SV2C: variants seen among roughly 807,000 people sequenced by gnomAD.
SV2C encodes the protein solute carrier family 22 member B3.
In SV2C, 49 loss-of-function variants were observed where a neutral mutation model predicts 79.7. That is an observed-to-expected ratio of 0.61 (90% CI 0.49 to 0.78). The LOEUF is 0.78. Among genes scored for constraint, SV2C ranks in the 30% least tolerant of loss-of-function variants. The pLI is 0.00. For synonymous variants in SV2C, 334 were observed against 333.2 expected, an observed-to-expected ratio of 1.00 and a Z score of -0.03; for missense variants, 833 against 912.9, an observed-to-expected ratio of 0.91 and a Z score of 1.13.
chr5:75,856,955 CTTTTT>C, the SV2C span, among the ~76,000 whole-genome samples: 2 of 128,502 alleles, frequency 1.6e-5, no homozygotes, highest in Admixed American at 7.8e-5. Context: ...GTCTTTAATC[CTTTTT>C]TTTTTTTTTT....
the SV2C span, among the ~76,000 whole-genome samples, chr5:75,984,865 C>T: frequency 2.0e-5 from 3 of 152,088 alleles, no homozygotes; most frequent in African/African-American, 2.4e-5. Context: ...TCAGGCCCAC[C>T]CAGATTACCT....
chr5:76,147,343 G>A (rs1043616414), intron 2 of SV2C, among the ~76,000 whole-genome samples: 1 of 152,204 alleles, frequency 6.6e-6, no homozygotes, highest in Admixed American at 6.5e-5. Flanking sequence ...GAGATCCTGG[G>A]ACTGGCAGTA....
chr5:75,897,201 G>A, the SV2C span, among the ~76,000 whole-genome samples: 2 of 151,214 alleles, frequency 1.3e-5, no homozygotes, highest in African/African-American at 2.5e-5. Flanking sequence ...TATGGTTTTA[G>A]GTCTAACATG....
chr5:76,284,962 T>C (rs1747303712), intron 4 of SV2C, among the ~76,000 whole-genome samples, 200 bp from the exon 5 acceptor site: 1 of 152,180 alleles, frequency 6.6e-6, no homozygotes, highest in Non-Finnish European at 1.5e-5. Context: ...CCCCTTTGGT[T>C]CCAAGCACCT....
chr5:76,277,634 C>T (rs997606888), intron 4 of SV2C, among the ~76,000 whole-genome samples: 11 of 151,976 alleles, frequency 7.2e-5, no homozygotes, highest in African/African-American at 1.9e-4. Flanking sequence ...GGCATGGTGG[C>T]GCTTGCCCGT....
chr5:76,014,816 G>A, the SV2C span, among the ~76,000 whole-genome samples: 1 of 152,130 alleles, frequency 6.6e-6, no homozygotes, highest in South Asian at 2.1e-4. Flanking sequence ...TTATTTCAAT[G>A]TCTACGTTTA....
intron 4 of SV2C, among the ~76,000 whole-genome samples, chr5:76,228,338 G>T (rs919305279): frequency 1.3e-5 from 2 of 152,158 alleles, no homozygotes; most frequent in East Asian, 3.9e-4. Flanking sequence ...GTGCGACAGG[G>T]CAGAAGACAG....
At chr5:76,143,118 T>C (rs1047152778) in intron 2 of SV2C, among the ~76,000 whole-genome samples, 2 of 151,936 alleles carry the variant, frequency 1.3e-5, no homozygotes, top group East Asian at 1.9e-4. Context: ...ATGGTCTCGA[T>C]ATCCTGACCT....
chr5:76,049,006 A>AGAAAGAAAG, the SV2C span, among the ~76,000 whole-genome samples: 7 of 103,320 alleles, frequency 6.8e-5, no homozygotes, highest in African/African-American at 2.3e-4. Context: ...AAAGAAAGAA[A>AGAAAGAAAG]GAAAGAAAGA....
chr5:75,952,098 C>T, the SV2C span, among the ~76,000 whole-genome samples: 3 of 151,892 alleles, frequency 2.0e-5, no homozygotes, highest in African/African-American at 4.8e-5. Context: ...TTAAGTACAG[C>T]AGTAAAAATG....
chr5:75,987,364 T>C, the SV2C span, among the ~76,000 whole-genome samples: 1 of 152,078 alleles, frequency 6.6e-6, no homozygotes, highest in East Asian at 1.9e-4. Context: ...TTCTTGATTA[T>C]TCCATCAATT....
At chr5:76,032,223 C>CTT in the SV2C span, among the ~76,000 whole-genome samples, 6 of 148,694 alleles carry the variant, frequency 4.0e-5, no homozygotes, top group African/African-American at 1.5e-4. Flanking sequence ...ACCATATCTT[C>CTT]TTTTTTTTTT....
chr5:76,166,479 G>A (rs1370265593), intron 2 of SV2C, among the ~76,000 whole-genome samples: 2 of 152,218 alleles, frequency 1.3e-5, no homozygotes, highest in Non-Finnish European at 2.9e-5. Context: ...CTTTGTAGAA[G>A]TCATCATTTG....
chr5:75,937,895 T>C, the SV2C span, among the ~76,000 whole-genome samples: 5,545 of 151,862 alleles, frequency 0.037, 338 homozygotes, highest in African/African-American at 0.13. Flanking sequence ...TTTTGCGTTT[T>C]CATCTTTGTT....
At chr5:76,265,563 C>T (rs923303135) in intron 4 of SV2C, among the ~76,000 whole-genome samples, 2 of 152,232 alleles carry the variant, frequency 1.3e-5, no homozygotes, top group Non-Finnish European at 2.9e-5. Flanking sequence ...TCTGCCTGAA[C>T]AGTTGCCCAA....
rs1749103780 is a variant in SV2C at position 76,329,288 on chromosome 5, C to A, written c.*3741C>A. 6.6e-6 allele frequency: 1 copy of A among 152,160 alleles called. No individual in the cohort carries two copies. The highest frequency in any genetic ancestry group is 6.6e-5 in the Admixed American group (1 of 15,258). 9.4% of individuals were successfully genotyped at this position (152,160 alleles called of 1,614,324 possible). A position where few individuals can be genotyped will look rare whatever the true frequency, so the allele number is the denominator to read the frequency against. ...CCATCACCCAGCCAGAAAAGGGCCCCGCCTTGCCAGATAAACGCGCTTAGG... is the reference window on the plus strand; with the variant it reads ...CCATCACCCAGCCAGAAAAGGGCCCAGCCTTGCCAGATAAACGCGCTTAGG... On this transcript the variant is annotated 3_prime_UTR_variant, in exon 13 of 13. Coordinates refer to ENST00000502798, the MANE Select transcript of SV2C (RefSeq NM_014979.4).
At chr5:75,927,314 T>TA in the SV2C span, among the ~76,000 whole-genome samples, 1 of 152,106 alleles carries the variant, frequency 6.6e-6, no homozygotes, top group Non-Finnish European at 1.5e-5. Flanking sequence ...TATTCAGCCT[T>TA]AAAAAATACA....
At chr5:76,041,415 G>A in the SV2C span, among the ~76,000 whole-genome samples, 1 of 152,068 alleles carries the variant, frequency 6.6e-6, no homozygotes, top group Admixed American at 6.5e-5. Context: ...TCTCCAGACA[G>A]CTAGAAAGCT....
chr5:75,994,673 A>T, the SV2C span, among the ~76,000 whole-genome samples: 1 of 152,144 alleles, frequency 6.6e-6, no homozygotes, highest in East Asian at 1.9e-4. Flanking sequence ...TTCTCCAGAA[A>T]GGATTTAAGG....
Sources: gnomAD v4.1 joint callset for allele counts (sites outside exome capture counted in the v4.1 genomes callset) on GRCh38, gnomAD v4.1.1 for gene constraint, MANE v1.5 for transcripts, NCBI Gene and HGNC (gene_info 2026-07-23, HGNC 2026-07-21) for gene names.